PRKCQ: variants seen among roughly 807,000 people sequenced by gnomAD.
The protein encoded by PRKCQ is protein kinase C theta, also known as protein kinase C theta type.
PRKCQ carries 41 observed loss-of-function variants against 91.2 expected under a neutral mutation model. That is an observed-to-expected ratio of 0.45 (90% CI 0.35 to 0.58). The LOEUF (loss-of-function observed/expected upper bound fraction) is 0.58. Among genes scored for constraint, PRKCQ ranks in the 20% least tolerant of loss-of-function variants. PRKCQ has a pLI of 0.00. For synonymous variants in PRKCQ, 307 were observed against 316.9 expected, an observed-to-expected ratio of 0.97 and a Z score of 0.33; for missense variants, 673 against 896.5, an observed-to-expected ratio of 0.75 and a Z score of 3.18.
rs1385017538 is a variant in PRKCQ, at chr10:6,498,478, C to T, written c.460G>A (p.Val154Ile). 6.2e-7 allele frequency: 1 copy of T among 1,614,182 alleles called. No homozygotes were observed. Among genetic ancestry groups the T allele is most frequent in the South Asian group, 1.1e-5 (1 of 91,080 alleles). The change falls in exon 5 of 18, where the codon GTC becomes ATC. Residue 154 changes from valine (V) to isoleucine (I), a missense_variant. Physicochemically the swap from Val to Ile is conservative, Grantham distance 29. Transcript: ENST00000263125. ...QRRGAIKQAK[V>I]HHVKCHEFTA... ...AACTCGTGGCACTTGACGTGGTGGA[C>T]CTTTGCCTGCTTGATGGCACCCCGG...
At chr10:6,421,354 G>A in the PRKCQ span, among the ~76,000 whole-genome samples, 1 of 152,140 alleles carries the variant, frequency 6.6e-6, no homozygotes, top group East Asian at 1.9e-4. This position sits in a 1 kb window ranked among gnomAD's most constrained non-coding sequence, Gnocchi z 4.1. Context: ...GCATGGTGGT[G>A]CACATCTGTG....
chr10:6,553,932 A>G (rs745521806), intron 1 of PRKCQ, among the ~76,000 whole-genome samples: 1 of 150,832 alleles, frequency 6.6e-6, no homozygotes, highest in Non-Finnish European at 1.5e-5. Context: ...TATATTTGGT[A>G]TGGAGAAAGG....
At chr10:6,521,921 T>TTTATTTATTTATTTA (rs776048874) in intron 1 of PRKCQ, among the ~76,000 whole-genome samples, 243 of 96,056 alleles carry the variant, frequency 2.5e-3, no homozygotes, top group African/African-American at 3.2e-3. Flanking sequence ...TGTTATGTTA[T>TTTATTTATTTATTTA]GTTATTTATT....
intron 11 of PRKCQ, 36 bp from the exon 12 acceptor site, chr10:6,479,201 A>C (rs370505697): frequency 6.9e-6 from 11 of 1,604,110 alleles, no homozygotes; most frequent in Non-Finnish European, 9.4e-6. Context: ...TTATTTTAGA[A>C]TTTGGATTCC....
In PRKCQ at chr10:6,486,062, C is replaced by T. The variant is rs370555924; in HGVS notation, c.873G>A (p.Ala291=). The T allele has an allele frequency of 8.7e-6, 14 of 1,613,866 alleles. No individual in the cohort carries two copies. Among genetic ancestry groups the T allele is most frequent in the East Asian group, 2.2e-5 (1 of 44,894 alleles). Reference sequence around the variant, plus strand: ...GTTGAGTGCTCTCAATCATGGCCAGCGCTTCAGCCATTAGCTTCTGGTTTA... The same window carrying T: ...GTTGAGTGCTCTCAATCATGGCCAGTGCTTCAGCCATTAGCTTCTGGTTTA... ...CGINQKLMAE[A]LAMIESTQQA... The change falls in exon 9 of 18, where the codon GCG becomes GCA. Residue 291 remains alanine, a synonymous_variant. Coordinates refer to ENST00000263125, the MANE Select transcript of PRKCQ (RefSeq NM_006257.5).
At chr10:6,409,445 C>T in the PRKCQ span, among the ~76,000 whole-genome samples, 2 of 152,262 alleles carry the variant, frequency 1.3e-5, no homozygotes, top group East Asian at 3.9e-4. Context: ...CAGACATGCA[C>T]CACTGTGCCT....
chr10:6,440,342 G>C (rs1271111639), intron 16 of PRKCQ, among the ~76,000 whole-genome samples: 1 of 152,172 alleles, frequency 6.6e-6, no homozygotes, highest in Non-Finnish European at 1.5e-5. Context: ...ATAGGCCAGG[G>C]ACTGGACTGA....
chr10:6,558,526 C>T (rs552907611), intron 1 of PRKCQ, among the ~76,000 whole-genome samples: 20 of 152,246 alleles, frequency 1.3e-4, no homozygotes, highest in African/African-American at 4.6e-4. Flanking sequence ...ATAAAAGATA[C>T]AGGATAAATA....
chr10:6,507,855 TG>T (rs1838274189), intron 3 of PRKCQ, among the ~76,000 whole-genome samples: 1 of 152,212 alleles, frequency 6.6e-6, no homozygotes, highest in Admixed American at 6.5e-5. Flanking sequence ...TCACAGGCAC[TG>T]GGACTGGCTT....
At chr10:6,513,039 A>T (rs1838560447) in intron 2 of PRKCQ, among the ~76,000 whole-genome samples, 1 of 152,186 alleles carries the variant, frequency 6.6e-6, no homozygotes. Context: ...AAATACCCTG[A>T]GAAGGGGCAA....
At chr10:6,395,102 T>C in the PRKCQ span, among the ~76,000 whole-genome samples, 7,103 of 144,174 alleles carry the variant, frequency 0.049, 272 homozygotes, top group East Asian at 0.14. Context: ...TCGCTCTGTC[T>C]CCCAGGCTGG....
At chr10:6,474,182 T>C (rs1836144314) in intron 12 of PRKCQ, among the ~76,000 whole-genome samples, 1 of 152,206 alleles carries the variant, frequency 6.6e-6, no homozygotes, top group Non-Finnish European at 1.5e-5. Flanking sequence ...CTGGTGCATA[T>C]TGGGAGTGTG....
At chr10:6,461,488 T>A (rs618020) in intron 14 of PRKCQ, among the ~76,000 whole-genome samples, 20,754 of 152,216 alleles carry the variant, frequency 0.14, 1,692 homozygotes, top group African/African-American at 0.23. Flanking sequence ...ATTTTGTAGA[T>A]AGACCAAAAA....
At chr10:6,409,937 G>A in the PRKCQ span, among the ~76,000 whole-genome samples, 1 of 152,178 alleles carries the variant, frequency 6.6e-6, no homozygotes, top group African/African-American at 2.4e-5. Flanking sequence ...GGTGAAATGT[G>A]TTAAAAAGCT....
At chr10:6,521,853 G>A (rs1416783583) in intron 1 of PRKCQ, among the ~76,000 whole-genome samples, 1 of 152,000 alleles carries the variant, frequency 6.6e-6, no homozygotes, top group Non-Finnish European at 1.5e-5. Context: ...CCAAGCTTTT[G>A]CTACCCCAGC....
intron 1 of PRKCQ, among the ~76,000 whole-genome samples, chr10:6,549,928 G>A (rs969108113): frequency 1.3e-4 from 19 of 151,878 alleles, no homozygotes; most frequent in Non-Finnish European, 1.3e-4. Flanking sequence ...CACCGCGCCC[G>A]GCTGAAATTC....
chr10:6,460,141 C>CATCA (rs1835241116), intron 14 of PRKCQ, among the ~76,000 whole-genome samples: 1 of 152,160 alleles, frequency 6.6e-6, no homozygotes, highest in African/African-American at 2.4e-5. Context: ...TTTCAAGGGT[C>CATCA]TCCTGCAACC....
rs891194799 is a variant in PRKCQ at position 6,427,719 on chromosome 10, C to CAGAT, written c.*484_*487dup. ...GGCCCCCCAGCCATTTACACATCCA[C>CAGAT]AGATAGGAATAGAATAAAACGGGTT... On this transcript the variant is annotated 3_prime_UTR_variant, in exon 18 of 18. Transcript: ENST00000263125. 8.9e-5 allele frequency: 14 copies of CAGAT among 156,490 alleles called. No homozygotes were observed. The highest frequency in any genetic ancestry group is 3.8e-4 in the East Asian group (2 of 5,250). The allele number at this position is 156,490 out of a possible 1,614,324, so 9.7% of individuals were successfully genotyped here. A position where few individuals can be genotyped will look rare whatever the true frequency, so the allele number is the denominator to read the frequency against.
At chr10:6,500,199 C>T (rs780921187) in intron 4 of PRKCQ, among the ~76,000 whole-genome samples, 6 of 152,108 alleles carry the variant, frequency 3.9e-5, no homozygotes, top group Non-Finnish European at 8.8e-5. Context: ...AATCTATTTA[C>T]AACTTGTGAC....
Sources: allele counts gnomAD v4.1 joint callset (sites outside exome capture counted in the v4.1 genomes callset), GRCh38; gene constraint gnomAD v4.1.1; non-coding constraint Gnocchi (gnomAD v3.1); transcripts MANE v1.5; gene names NCBI Gene and HGNC (gene_info 2026-07-23, HGNC 2026-07-21).